C1orf21: variants seen among roughly 807,000 people sequenced by gnomAD.
C1orf21 encodes the protein chromosome 1 open reading frame 21.
In C1orf21, 3 loss-of-function variants were observed where a neutral mutation model predicts 18.7. That is an observed-to-expected ratio of 0.16 (90% CI 0.07 to 0.42). The LOEUF is 0.42. Ranked by LOEUF, C1orf21 falls within the 10% of genes least tolerant of loss-of-function variation. The pLI is 0.99. For synonymous variants in C1orf21, 41 were observed against 46.4 expected, an observed-to-expected ratio of 0.88 and a Z score of 0.47; for missense variants, 104 against 143.6, an observed-to-expected ratio of 0.72 and a Z score of 1.41.
At chr1:184,515,248 T>C (rs999171671) in intron 3 of C1orf21, among the ~76,000 whole-genome samples, 1 of 152,234 alleles carries the variant, frequency 6.6e-6, no homozygotes, top group Non-Finnish European at 1.5e-5. Flanking sequence ...TTAAACTTAA[T>C]GCTTTTAATT....
At chr1:184,402,825 C>T (rs762535632) in intron 1 of C1orf21, among the ~76,000 whole-genome samples, 4 of 152,126 alleles carry the variant, frequency 2.6e-5, no homozygotes, top group East Asian at 1.9e-4. Flanking sequence ...CGCCATTTCG[C>T]GTCTACCAGA....
intron 4 of C1orf21, among the ~76,000 whole-genome samples, chr1:184,595,493 G>A (rs964206670): frequency 1.3e-5 from 2 of 152,084 alleles, no homozygotes; most frequent in South Asian, 4.1e-4. Flanking sequence ...CTTTCACATG[G>A]GAAGAGGGGA....
chr1:184,618,691 A>T (rs1659870085), intron 5 of C1orf21, among the ~76,000 whole-genome samples: 1 of 149,328 alleles, frequency 6.7e-6, no homozygotes, highest in Non-Finnish European at 1.5e-5. Flanking sequence ...GAAAAAGAAA[A>T]AGTTGAAGGA....
chr1:184,532,859 T>G (rs1490565355), intron 3 of C1orf21, among the ~76,000 whole-genome samples: 1 of 152,200 alleles, frequency 6.6e-6, no homozygotes, highest in African/African-American at 2.4e-5. Flanking sequence ...TGCCAGAATC[T>G]GTCTGTGTGA....
chr1:184,519,368 C>A (rs994575075), intron 3 of C1orf21, among the ~76,000 whole-genome samples: 1 of 152,122 alleles, frequency 6.6e-6, no homozygotes, highest in Non-Finnish European at 1.5e-5. Context: ...AGATTTCTGG[C>A]CTCTTCTCTA....
rs1022142351 is a variant in C1orf21 at position 184,624,484 on chromosome 1, A to T, written c.*4928A>T. ...CTGTGATTTCTTTCCTGGGTTCCCAAGTCTTGTTGTTTCATCACAAACTGT... is the reference window on the plus strand; with the variant it reads ...CTGTGATTTCTTTCCTGGGTTCCCATGTCTTGTTGTTTCATCACAAACTGT... On this transcript the variant is annotated 3_prime_UTR_variant, in exon 6 of 6. Transcript: ENST00000235307. 6.6e-6 allele frequency: 1 copy of T among 152,206 alleles called. No individual in the cohort carries two copies. The highest frequency in any genetic ancestry group is 1.5e-5 in the Non-Finnish European group (1 of 68,046). 9.4% of individuals were successfully genotyped at this position (152,206 alleles called of 1,614,324 possible).
intron 3 of C1orf21, among the ~76,000 whole-genome samples, chr1:184,534,746 C>T (rs1248939109): frequency 1.3e-5 from 2 of 152,032 alleles, no homozygotes; most frequent in Non-Finnish European, 2.9e-5. Context: ...GGCACGGGTA[C>T]ATGAATAAAT....
At chr1:184,470,878 C>CAAA (rs35608530) in intron 1 of C1orf21, among the ~76,000 whole-genome samples, 1 of 137,254 alleles carries the variant, frequency 7.3e-6, no homozygotes, top group Non-Finnish European at 1.6e-5. Context: ...GACTCTTTCT[C>CAAA]AAAAAAAAAA....
intron 3 of C1orf21, among the ~76,000 whole-genome samples, chr1:184,573,536 C>G (rs74655896): frequency 6.6e-6 from 1 of 152,148 alleles, no homozygotes; most frequent in Non-Finnish European, 1.5e-5. Flanking sequence ...ACTCCAAAAA[C>G]GGTTTGTATA....
intron 3 of C1orf21, among the ~76,000 whole-genome samples, chr1:184,560,343 G>A (rs955320159): frequency 1.3e-5 from 2 of 152,060 alleles, no homozygotes; most frequent in Non-Finnish European, 2.9e-5. Context: ...CAAAGAAAAG[G>A]CACCGTAAGA....
intron 3 of C1orf21, among the ~76,000 whole-genome samples, chr1:184,557,029 GACAA>G (rs1211699356): frequency 1.3e-5 from 2 of 151,982 alleles, no homozygotes; most frequent in Admixed American, 1.3e-4. Context: ...TCTCCTCATT[GACAA>G]ACATTCTGTC....
Position 184,592,811 on chromosome 1 carries a change from T to TG in C1orf21, c.266+1997dup, listed in dbSNP as rs2101999989. Reference sequence around the variant, plus strand: ...GTCGCTGCAGCTATGGCCACTGTGGTGTCGCAGTTAGGAGACCTCAGGGGG... The same window carrying TG: ...GTCGCTGCAGCTATGGCCACTGTGGTGGTCGCAGTTAGGAGACCTCAGGGGG... On this transcript the variant is annotated intron_variant, in intron 4 of 5. Coordinates refer to ENST00000235307, the MANE Select transcript of C1orf21 (RefSeq NM_030806.4). Among the ~76,000 whole-genome samples the TG allele has an allele frequency of 1.3e-5, 2 of 152,310 alleles. 1 individual carries two copies. The highest frequency in any genetic ancestry group is 4.2e-4 in the South Asian group (2 of 4,816).
intron 3 of C1orf21, among the ~76,000 whole-genome samples, chr1:184,546,184 T>C (rs1571408604): frequency 6.6e-6 from 1 of 152,136 alleles, no homozygotes; most frequent in Non-Finnish European, 1.5e-5. Context: ...CCTGTAATCC[T>C]AGCACTTTGA....
chr1:184,411,669 G>A (rs767968494), intron 1 of C1orf21, among the ~76,000 whole-genome samples: 2 of 152,064 alleles, frequency 1.3e-5, no homozygotes, highest in African/African-American at 2.4e-5. Flanking sequence ...TGATCCGCCC[G>A]CCTTGGCCTC....
In C1orf21 at chr1:184,507,666, G is replaced by A. The variant is rs2101963988; in HGVS notation, c.173G>A (p.Arg58Lys). The A allele has an allele frequency of 1.9e-6, 3 of 1,589,908 alleles. No individual in the cohort carries two copies. In the African/African-American group the frequency reaches 4.1e-5, roughly 22 times the overall value. The stretch of plus-strand genomic sequence containing the variant: ...GAAGAAGAGCAGAAAATAGCAGCCA[G>A]GAACCAAGAAAACTTGGTAAGAATT... ...GAEEEQKIAARNQENLEKSAS... is the reference protein window; with the variant it reads ...GAEEEQKIAAKNQENLEKSAS... The change falls in exon 3 of 6, where the codon AGG becomes AAG. Residue 58 changes from arginine (R) to lysine (K), a missense_variant. Transcript: ENST00000235307.
intron 1 of C1orf21, among the ~76,000 whole-genome samples, chr1:184,446,413 C>T (rs533910514): frequency 4.1e-4 from 63 of 151,938 alleles, no homozygotes; most frequent in Non-Finnish European, 6.6e-4. Context: ...ACTTTTGTGT[C>T]GTCTGATCGA....
intron 1 of C1orf21, among the ~76,000 whole-genome samples, chr1:184,458,869 G>A (rs1657261318): frequency 6.6e-6 from 1 of 152,130 alleles, no homozygotes; most frequent in South Asian, 2.1e-4. Context: ...AAATGATTTT[G>A]TGGCACATTT....
intron 3 of C1orf21, among the ~76,000 whole-genome samples, chr1:184,538,456 CTT>C (rs1469263293): frequency 2.0e-5 from 3 of 152,134 alleles, no homozygotes; most frequent in Admixed American, 6.5e-5. Flanking sequence ...ATGAACAAAA[CTT>C]TTCATTTTCA....
chr1:184,438,544 T>G (rs570503852), intron 1 of C1orf21, among the ~76,000 whole-genome samples: 1 of 152,156 alleles, frequency 6.6e-6, no homozygotes, highest in African/African-American at 2.4e-5. Flanking sequence ...GCAAGACACA[T>G]TGGAGTAAAT....
Sources: gnomAD v4.1 joint callset for allele counts (sites outside exome capture counted in the v4.1 genomes callset) on GRCh38, gnomAD v4.1.1 for gene constraint, MANE v1.5 for transcripts, NCBI Gene and HGNC (gene_info 2026-07-23, HGNC 2026-07-21) for gene names.